The following SOX5 variants were observed in gnomAD, a reference collection of about 807,000 sequenced individuals.
SOX5 encodes SRY-box transcription factor 5.
A neutral mutation model predicts 92.0 loss-of-function variants in SOX5; 9 were observed. The observed-to-expected ratio is 0.10, with a 90% CI of 0.06 to 0.17. The LOEUF (loss-of-function observed/expected upper bound fraction) is 0.17. Among genes scored for constraint, SOX5 ranks in the 10% least tolerant of loss-of-function variants. SOX5 has a pLI of 1.00. For missense variants in SOX5, 642 were observed against 944.5 expected (o/e 0.68, Z 4.20); for synonymous variants, 344 against 336.3 (o/e 1.02, Z -0.25).
chr12:24,205,294 T>C lies in SOX5; in HGVS notation c.-2+8049A>G, dbSNP rs1806515236. 2.0e-5 allele frequency among the ~76,000 whole-genome samples: 3 copies of C among 152,330 alleles called. No individual in the cohort carries two copies. The South Asian group carries it at 6.2e-4, about 32-fold the overall frequency. ...TAGCACAATGTTCAACATTGTGCTTTCCCTGATAAAATTTTGTTAATAGCT... is the reference window on the plus strand; with the variant it reads ...TAGCACAATGTTCAACATTGTGCTTCCCCTGATAAAATTTTGTTAATAGCT... On this transcript the variant is annotated intron_variant, in intron 4 of 4. Transcript: ENST00000446891.
chr12:23,936,601 C>A (rs1942611646), intron 1 of SOX5, among the ~76,000 whole-genome samples: 1 of 150,714 alleles, frequency 6.6e-6, no homozygotes, highest in South Asian at 2.1e-4. Context: ...CCACTAGAAT[C>A]TAGATAAAGA....
At chr12:23,878,458 A>G (rs2096952955) in intron 2 of SOX5, among the ~76,000 whole-genome samples, 1 of 152,084 alleles carries the variant, frequency 6.6e-6, no homozygotes, top group African/African-American at 2.4e-5. Flanking sequence ...ATCTCTATAT[A>G]ACAACAAAAA....
chr12:24,161,893 G>A (rs1029716754), intron 4 of SOX5, among the ~76,000 whole-genome samples: 1 of 151,916 alleles, frequency 6.6e-6, no homozygotes, highest in Non-Finnish European at 1.5e-5. Flanking sequence ...AATTCAAGAA[G>A]TCTTCTCAAA....
intron 1 of SOX5, among the ~76,000 whole-genome samples, chr12:24,462,275 A>C (rs1187090171): frequency 6.6e-6 from 1 of 152,244 alleles, no homozygotes; most frequent in East Asian, 1.9e-4. Context: ...GTATGTAAAC[A>C]TAAATGAACA....
chr12:24,434,534 T>A (rs1488965254), intron 1 of SOX5, among the ~76,000 whole-genome samples: 1 of 152,182 alleles, frequency 6.6e-6, no homozygotes, highest in African/African-American at 2.4e-5. Flanking sequence ...TGTGTTCCCA[T>A]CCAAATCTCA....
chr12:23,556,622 A>G (rs551748003), intron 11 of SOX5, among the ~76,000 whole-genome samples: 1 of 152,262 alleles, frequency 6.6e-6, no homozygotes, highest in Non-Finnish European at 1.5e-5. Context: ...TCCTTTATAC[A>G]ATTTTTCTCT....
intron 4 of SOX5, among the ~76,000 whole-genome samples, chr12:24,128,587 C>T (rs937378922): frequency 2.0e-5 from 3 of 151,960 alleles, no homozygotes; most frequent in African/African-American, 4.8e-5. Context: ...GAGAAGGGGG[C>T]GGTTCTACAC....
intron 3 of SOX5, among the ~76,000 whole-genome samples, chr12:23,789,420 A>C (rs2095433278): frequency 6.6e-6 from 1 of 152,022 alleles, no homozygotes. Context: ...TTTTCTAATA[A>C]ATGTGATCCG....
chr12:24,538,922 A>G (rs796811601), intron 1 of SOX5, among the ~76,000 whole-genome samples: 2 of 152,294 alleles, frequency 1.3e-5, no homozygotes, highest in African/African-American at 4.8e-5. Flanking sequence ...TTGTTAATGA[A>G]CAATTATCAC....
intron 3 of SOX5, among the ~76,000 whole-genome samples, chr12:23,831,653 C>A (rs772015585): frequency 1.3e-5 from 2 of 152,006 alleles, no homozygotes; most frequent in Admixed American, 6.6e-5. Flanking sequence ...TGAACTGCTT[C>A]ATGTAAAGTA....
At chr12:24,397,586 T>C (rs1323771546) in intron 1 of SOX5, among the ~76,000 whole-genome samples, 1 of 152,120 alleles carries the variant, frequency 6.6e-6, no homozygotes, top group Non-Finnish European at 1.5e-5. Flanking sequence ...ATATGTGTAT[T>C]GTAGAGGGGC....
intron 6 of SOX5, among the ~76,000 whole-genome samples, chr12:23,704,001 G>A (rs907536695): frequency 2.6e-5 from 4 of 151,936 alleles, no homozygotes; most frequent in Non-Finnish European, 5.9e-5. Flanking sequence ...ACATGGGTGA[G>A]ATGATTAATA....
chr12:24,407,830 C>A (rs1963296906), intron 1 of SOX5, among the ~76,000 whole-genome samples: 1 of 152,088 alleles, frequency 6.6e-6, no homozygotes, highest in Non-Finnish European at 1.5e-5. Context: ...GCTCCAAATC[C>A]AGGAACAACG....
chr12:23,581,939 T>C (rs977028650), intron 9 of SOX5, among the ~76,000 whole-genome samples: 1 of 152,030 alleles, frequency 6.6e-6, no homozygotes, highest in Non-Finnish European at 1.5e-5. Context: ...CTTCTTCCTC[T>C]GCATGATTTG....
chr12:24,334,579 T>G (rs1370239504), intron 2 of SOX5, among the ~76,000 whole-genome samples: 1 of 152,212 alleles, frequency 6.6e-6, no homozygotes, highest in Non-Finnish European at 1.5e-5. Flanking sequence ...TATTTTATAC[T>G]GCCAATGGAA....
At chr12:24,487,712 G>A (rs1468679322) in intron 1 of SOX5, among the ~76,000 whole-genome samples, 1 of 152,144 alleles carries the variant, frequency 6.6e-6, no homozygotes, top group African/African-American at 2.4e-5. Context: ...CCCAAGAAAA[G>A]ACAGTGAATA....
intron 4 of SOX5, among the ~76,000 whole-genome samples, chr12:23,988,739 C>G (rs1424443775): frequency 6.6e-6 from 1 of 152,062 alleles, no homozygotes; most frequent in East Asian, 1.9e-4. Flanking sequence ...AAGTGATACT[C>G]AAATGGGTTT....
intron 2 of SOX5, among the ~76,000 whole-genome samples, chr12:23,886,239 T>C (rs993241472): frequency 2.0e-5 from 3 of 152,194 alleles, no homozygotes; most frequent in Admixed American, 1.3e-4. Context: ...ATGAATATGA[T>C]TGTCAAAATA....
At chr12:24,117,403 G>C (rs1948131398) in intron 4 of SOX5, among the ~76,000 whole-genome samples, 3 of 152,028 alleles carry the variant, frequency 2.0e-5, no homozygotes. Flanking sequence ...CAGTATGGAG[G>C]TTCCTCAAAA....
Sources: allele counts gnomAD v4.1 joint callset (sites outside exome capture counted in the v4.1 genomes callset), GRCh38; gene constraint gnomAD v4.1.1; transcripts MANE v1.5; gene names NCBI Gene and HGNC (gene_info 2026-07-23, HGNC 2026-07-21).